Variants in TENM4 observed in about 807,000 individuals in gnomAD.
TENM4 encodes the protein teneurin-4.
A neutral mutation model predicts 243.3 loss-of-function variants in TENM4; 82 were observed. The ratio of observed to expected loss-of-function variants is 0.34; its 90% CI spans 0.28 to 0.40. TENM4 has a LOEUF of 0.40. Ranked by LOEUF, TENM4 falls within the 10% of genes least tolerant of loss-of-function variation. TENM4 has a pLI of 1.00. For synonymous variants in TENM4, 1,412 were observed against 1,456.3 expected (o/e 0.97, Z 0.69); for missense variants, 3,138 against 3,673.3 (o/e 0.85, Z 3.77).
chr11:79,092,778 T>C (rs1336122628), intron 4 of TENM4: 1 of 152,232 alleles, frequency 6.6e-6, no homozygotes, highest in African/African-American at 2.4e-5. Flanking sequence ...CAAAGATAAA[T>C]GGCTTCTGGT....
At chr11:79,432,979 C>T (rs138106098) in intron 1 of TENM4, among the ~76,000 whole-genome samples, 1 of 152,288 alleles carries the variant, frequency 6.6e-6, no homozygotes, top group African/African-American at 2.4e-5. Flanking sequence ...CCTCATTTTC[C>T]ATCTCCTATA....
At chr11:79,026,679 G>A (rs994605394) in intron 6 of TENM4, among the ~76,000 whole-genome samples, 3 of 152,132 alleles carry the variant, frequency 2.0e-5, no homozygotes, top group African/African-American at 7.2e-5. Flanking sequence ...ACCAAGAAAG[G>A]GTATTATTAG....
chr11:79,304,645 A>T (rs962285842), intron 1 of TENM4, among the ~76,000 whole-genome samples: 1 of 152,136 alleles, frequency 6.6e-6, no homozygotes, highest in Non-Finnish European at 1.5e-5. Context: ...TTAGGATGAG[A>T]ACACTGTCCT....
chr11:79,205,231 C>A (rs1326228258), intron 3 of TENM4, among the ~76,000 whole-genome samples: 2 of 152,118 alleles, frequency 1.3e-5, no homozygotes, highest in Non-Finnish European at 2.9e-5. Context: ...ACACTCTGCC[C>A]AGCTTCCCCA....
intron 6 of TENM4, among the ~76,000 whole-genome samples, chr11:79,020,507 G>A (rs1462462805): frequency 6.6e-6 from 1 of 152,062 alleles, no homozygotes; most frequent in Non-Finnish European, 1.5e-5. Context: ...CCAACAAACT[G>A]ATTAAATATC....
intron 1 of TENM4, among the ~76,000 whole-genome samples, chr11:79,422,538 T>C (rs1221196045): frequency 6.6e-6 from 1 of 152,158 alleles, no homozygotes; most frequent in Non-Finnish European, 1.5e-5. Context: ...GCAGAGGCCC[T>C]GCAGTCAATG....
chr11:79,055,009 C>A (rs1812642539), intron 6 of TENM4, among the ~76,000 whole-genome samples: 1 of 151,704 alleles, frequency 6.6e-6, no homozygotes, highest in Admixed American at 6.6e-5. Flanking sequence ...AACCTGTAAT[C>A]CCAGGTACTT....
At chr11:78,692,433 A>C (rs1858850219) in intron 28 of TENM4, among the ~76,000 whole-genome samples, 1 of 152,034 alleles carries the variant, frequency 6.6e-6, no homozygotes, top group Non-Finnish European at 1.5e-5. Context: ...CTCTTCTATA[A>C]ATGGGGATAA....
At chr11:78,823,557 G>A (rs947054393) in intron 12 of TENM4, among the ~76,000 whole-genome samples, 1 of 152,210 alleles carries the variant, frequency 6.6e-6, no homozygotes, top group Non-Finnish European at 1.5e-5. Flanking sequence ...AAGTGAAGAG[G>A]AAGCAGTCCT....
intron 22 of TENM4, among the ~76,000 whole-genome samples, chr11:78,726,685 A>T (rs1855519371): frequency 6.6e-6 from 1 of 152,120 alleles, no homozygotes; most frequent in Non-Finnish European, 1.5e-5. Flanking sequence ...TTCTCCTGAG[A>T]TCCAGATGTT....
Position 79,390,878 on chromosome 11 carries a change from G to A in TENM4, c.-321+49631C>T, listed in dbSNP as rs184818540. 1.2e-4 allele frequency among the ~76,000 whole-genome samples: 19 copies of A among 152,330 alleles called. No homozygotes were observed. In the East Asian group the frequency reaches 3.3e-3, roughly 26 times the overall value. The stretch of plus-strand genomic sequence containing the variant: ...TTTATATAGTTATTTAGAGGCTTAA[G>A]TAGAATAATACAAAGAGCTGAGTAT... On this transcript the variant is annotated intron_variant, in intron 1 of 33. Coordinates refer to ENST00000278550, the MANE Select transcript of TENM4 (RefSeq NM_001098816.3).
chr11:79,164,536 G>C (rs1565231353), intron 3 of TENM4, among the ~76,000 whole-genome samples: 1 of 138,868 alleles, frequency 7.2e-6, no homozygotes, highest in African/African-American at 2.7e-5. Flanking sequence ...ATACTATATA[G>C]TACTATATAT....
chr11:78,954,394 T>A (rs1268464952), intron 6 of TENM4, among the ~76,000 whole-genome samples: 1 of 152,230 alleles, frequency 6.6e-6, no homozygotes, highest in African/African-American at 2.4e-5. Flanking sequence ...GGGATGTGAT[T>A]TCAGGTGATT....
chr11:78,855,260 A>T (rs1206523483), intron 11 of TENM4, among the ~76,000 whole-genome samples: 2 of 152,228 alleles, frequency 1.3e-5, no homozygotes, highest in African/African-American at 4.8e-5. Flanking sequence ...GGAAGGCTGC[A>T]TTTGGCCTAG....
chr11:79,223,293 G>C (rs1029994009), intron 2 of TENM4, among the ~76,000 whole-genome samples: 3 of 152,146 alleles, frequency 2.0e-5, no homozygotes, highest in Admixed American at 2.0e-4. Context: ...CTAAAAAGCA[G>C]CCTGATGAAG....
chr11:78,850,067 G>A (rs1381113743), intron 12 of TENM4, among the ~76,000 whole-genome samples: 2 of 151,834 alleles, frequency 1.3e-5, no homozygotes, highest in African/African-American at 2.4e-5. Flanking sequence ...TGCTCTGTGT[G>A]TGTGTGTGTG....
chr11:78,991,767 A>T (rs1266254241), intron 6 of TENM4, among the ~76,000 whole-genome samples: 1 of 152,126 alleles, frequency 6.6e-6, no homozygotes, highest in Non-Finnish European at 1.5e-5. Context: ...TAGGGAATTC[A>T]CAGTAGGAAA....
At chr11:79,290,795 C>G (rs882547) in intron 2 of TENM4, among the ~76,000 whole-genome samples, 14,953 of 152,092 alleles carry the variant, frequency 0.098, 776 homozygotes, top group African/African-American at 0.13. Context: ...ATCTGTGCAA[C>G]TGGAATGACA....
chr11:79,153,453 A>C (rs1303555590), intron 3 of TENM4, among the ~76,000 whole-genome samples: 3 of 152,094 alleles, frequency 2.0e-5, no homozygotes, highest in Non-Finnish European at 4.4e-5. Flanking sequence ...GTGTCTGGGC[A>C]GAGGCAAGTC....
Sources: allele counts gnomAD v4.1 joint callset (sites outside exome capture counted in the v4.1 genomes callset), GRCh38; gene constraint gnomAD v4.1.1; transcripts MANE v1.5; gene names NCBI Gene and HGNC (gene_info 2026-07-23, HGNC 2026-07-21).